The following HAO1 variants were observed in gnomAD, a reference collection of about 807,000 sequenced individuals.
The protein encoded by HAO1 is 2-Hydroxyacid oxidase 1.
Under a neutral mutation model 39.7 loss-of-function variants are expected in HAO1, and 34 were observed. That is an observed-to-expected ratio of 0.86 (90% confidence interval 0.65 to 1.14). The LOEUF is 1.14. Among genes scored for constraint, HAO1 ranks in the 50% most tolerant of loss-of-function variants. The probability of loss-of-function intolerance (pLI) is 0.00; values close to 1 mark genes in which losing one functional copy is unlikely to be tolerated. For missense variants in HAO1, 479 were observed against 464.5 expected (o/e 1.03, Z -0.29); for synonymous variants, 172 against 173.2 (o/e 0.99, Z 0.05).
Position 7,914,023 on chromosome 20 carries a change from A to C in HAO1, c.545+141T>G. 5.8e-6 allele frequency: 5 copies of C among 855,092 alleles called. No homozygotes were observed. In the East Asian group the frequency reaches 1.3e-4, roughly 22 times the overall value. 53.0% of individuals were successfully genotyped at this position (855,092 alleles called of 1,614,324 possible). On this transcript the variant is annotated intron_variant, in intron 3 of 7. Transcript: ENST00000378789. ...CTGTTTCTATTGTGTATCTCAAAAA[A>C]AGTGATGTCTACAAAAGGGATGTGA...
intron 1 of HAO1, among the ~76,000 whole-genome samples, chr20:7,937,446 T>C (rs1842788051): frequency 1.3e-5 from 2 of 152,112 alleles, no homozygotes; most frequent in South Asian, 4.1e-4. Context: ...TTTATGCCTA[T>C]GAGAACACAA....
chr20:7,934,433 T>C, intron 2 of HAO1, 51 bp downstream of exon 2: 2 of 1,425,344 alleles, frequency 1.4e-6, no homozygotes, highest in Non-Finnish European at 1.9e-6. Flanking sequence ...GAGAAGGAGG[T>C]CGATAAACGT....
intron 5 of HAO1, among the ~76,000 whole-genome samples, chr20:7,894,094 T>C (rs184751816): frequency 2.7e-3 from 409 of 152,234 alleles, no homozygotes; most frequent in Non-Finnish European, 5.0e-3. Context: ...TCCCCACAAG[T>C]GGACAGCACA....
intron 1 of HAO1, among the ~76,000 whole-genome samples, chr20:7,935,005 A>C (rs112221375): frequency 0.013 from 1,991 of 152,326 alleles, 39 homozygotes; most frequent in African/African-American, 0.043. Context: ...TCTTTTGCAG[A>C]GAAACTCTCC....
At position 7,883,829 on chromosome 20, in the gene HAO1, C is replaced by T. The variant is rs185618184; in HGVS notation, c.1043-166G>A. On this transcript the variant is annotated intron_variant, in intron 7 of 7. Transcript: ENST00000378789. ...GACCATTTTTTATTACCTAAACAGT[C>T]CTTAACACAAAATGACTGGCACATA... 5.7e-4 allele frequency among the ~76,000 whole-genome samples: 87 copies of T among 152,270 alleles called. No individual in the cohort carries two copies. In the Middle Eastern group the frequency reaches 0.01, roughly 18 times the overall value.
chr20:7,897,603 A>C (rs899644840), intron 4 of HAO1, among the ~76,000 whole-genome samples: 1 of 152,072 alleles, frequency 6.6e-6, no homozygotes, highest in Non-Finnish European at 1.5e-5. Context: ...TTTTTAAAAA[A>C]ATCAGAAGTC....
intron 2 of HAO1, among the ~76,000 whole-genome samples, chr20:7,924,901 C>T (rs1188523249): frequency 6.6e-6 from 1 of 152,084 alleles, no homozygotes. Flanking sequence ...TTGTCATCTG[C>T]ACAGGAAGTC....
intron 5 of HAO1, among the ~76,000 whole-genome samples, chr20:7,889,166 A>G (rs75220423): frequency 2.0e-5 from 3 of 151,802 alleles, no homozygotes; most frequent in South Asian, 2.1e-4. Context: ...ATGTTTCTCA[A>G]AGATGGAATT....
At chr20:7,935,979 T>C (rs1568521997) in intron 1 of HAO1, among the ~76,000 whole-genome samples, 1 of 152,054 alleles carries the variant, frequency 6.6e-6, no homozygotes, top group Admixed American at 6.6e-5. Flanking sequence ...TATAGTGAAG[T>C]ATGATATAGT....
At chr20:7,905,806 TC>T (rs781020671) in intron 4 of HAO1, among the ~76,000 whole-genome samples, 19 of 152,294 alleles carry the variant, frequency 1.2e-4, no homozygotes, top group Middle Eastern at 3.4e-3. Flanking sequence ...TTCTCTTTGG[TC>T]TGAGAGCAAC....
chr20:7,920,377 C>G (rs1320081103), intron 2 of HAO1, among the ~76,000 whole-genome samples: 2 of 152,132 alleles, frequency 1.3e-5, no homozygotes, highest in African/African-American at 4.8e-5. Flanking sequence ...TTCCTTATAG[C>G]AGTGTGAAAG....
chr20:7,910,477 G>A (rs1026995070), intron 3 of HAO1, among the ~76,000 whole-genome samples: 1 of 152,118 alleles, frequency 6.6e-6, no homozygotes. Flanking sequence ...TATCAATAGG[G>A]CTGTATTTCT....
At chr20:7,911,904 G>A (rs1231316540) in intron 3 of HAO1, among the ~76,000 whole-genome samples, 2 of 152,242 alleles carry the variant, frequency 1.3e-5, no homozygotes, top group African/African-American at 4.8e-5. Context: ...TTTGGCCTCA[G>A]GCGGAAGCCT....
intron 3 of HAO1, among the ~76,000 whole-genome samples, chr20:7,911,551 G>A (rs1279562298): frequency 6.6e-6 from 1 of 152,134 alleles, no homozygotes; most frequent in Admixed American, 6.5e-5. Context: ...GAGCAGATGA[G>A]AAGTCTCCTT....
At chr20:7,915,891 G>A (rs2050304686) in intron 2 of HAO1, among the ~76,000 whole-genome samples, 1 of 152,176 alleles carries the variant, frequency 6.6e-6, no homozygotes, top group East Asian at 1.9e-4. Flanking sequence ...TATGGGGTTA[G>A]TTTAATTTTT....
At chr20:7,924,198 T>TGTG (rs2050348369) in intron 2 of HAO1, among the ~76,000 whole-genome samples, 3 of 122,838 alleles carry the variant, frequency 2.4e-5, no homozygotes, top group Admixed American at 2.3e-4. Flanking sequence ...TGGGTTGTGT[T>TGTG]GTTGTTGTTG....
rs1043786683 is a variant in HAO1 at position 7,906,442 on chromosome 20, A to G, written c.546-113T>C. 6 of 652,164 alleles carry G rather than the reference A, an allele frequency of 9.2e-6. No homozygotes were observed. In the Admixed American group the frequency reaches 1.3e-4, roughly 15 times the overall value. 40.4% of individuals were successfully genotyped at this position (652,164 alleles called of 1,614,324 possible). A position where few individuals can be genotyped will look rare whatever the true frequency, so the allele number is the denominator to read the frequency against. ...CAAATCAATTGGCTGTTCACTGCTC[A>G]TTTATCTATAAGTCAATTGCACACA... On this transcript the variant is annotated intron_variant, in intron 3 of 7. Transcript: ENST00000378789.
At chr20:7,914,494 G>A (rs1307471092) in intron 2 of HAO1, 75 bp from the exon 3 acceptor site, 5 of 1,518,188 alleles carry the variant, frequency 3.3e-6, no homozygotes, top group Admixed American at 1.8e-5. Context: ...GTAGTTGGAT[G>A]AGTAAAGACA....
At chr20:7,931,677 A>G (rs1568520755) in intron 2 of HAO1, among the ~76,000 whole-genome samples, 1 of 152,166 alleles carries the variant, frequency 6.6e-6, no homozygotes, top group Non-Finnish European at 1.5e-5. Context: ...GGCATTTAAT[A>G]TCTTCTTATG....
Sources: allele counts gnomAD v4.1 joint callset (sites outside exome capture counted in the v4.1 genomes callset), GRCh38; gene constraint gnomAD v4.1.1; transcripts MANE v1.5; gene names NCBI Gene and HGNC (gene_info 2026-07-23, HGNC 2026-07-21).